The following NLN variants were observed in gnomAD, a reference collection of about 807,000 sequenced individuals.
NLN encodes the protein neurolysin, also known as neurolysin, mitochondrial.
In NLN, 64 loss-of-function variants were observed where a neutral mutation model predicts 79.9. The ratio of observed to expected loss-of-function variants is 0.80; its 90% CI spans 0.65 to 0.99. The LOEUF (loss-of-function observed/expected upper bound fraction) is 0.99. Ranked by LOEUF, NLN falls within the 50% of genes least tolerant of loss-of-function variation. NLN has a pLI of 0.00. For missense variants in NLN, 835 were observed against 858.7 expected (o/e 0.97, Z 0.34); for synonymous variants, 267 against 296.6 (o/e 0.90, Z 1.02).
Position 65,825,282 on chromosome 5 carries a change from G to T in NLN, c.*2367G>T, listed in dbSNP as rs948477921. On this transcript the variant is annotated 3_prime_UTR_variant, in exon 13 of 13. Coordinates refer to ENST00000380985, the MANE Select transcript of NLN (RefSeq NM_020726.5). ...TATCACTGACATGCTTGAAATGGTGGATAACTATGTAAATTGTAATTGGAC... is the reference window on the plus strand; with the variant it reads ...TATCACTGACATGCTTGAAATGGTGTATAACTATGTAAATTGTAATTGGAC... 1 of 151,900 alleles carries T rather than the reference G, an allele frequency of 6.6e-6. No homozygotes were observed. The highest frequency in any genetic ancestry group is 2.4e-5 in the African/African-American group (1 of 41,346). 9.4% of individuals were successfully genotyped at this position (151,900 alleles called of 1,614,324 possible). A position where few individuals can be genotyped will look rare whatever the true frequency, so the allele number is the denominator to read the frequency against.
chr5:65,727,383 T>C (rs779528813), intron 1 of NLN, among the ~76,000 whole-genome samples: 6 of 152,166 alleles, frequency 3.9e-5, no homozygotes, highest in Non-Finnish European at 8.8e-5. Context: ...TTGCCGAGGC[T>C]AGTCTAGAAT....
chr5:65,762,702 C>CA (rs35035106), intron 2 of NLN, among the ~76,000 whole-genome samples: 63,847 of 140,836 alleles, frequency 0.45, 14,623 homozygotes, highest in Non-Finnish European at 0.54. Flanking sequence ...GACCCTGTCT[C>CA]AAAAAAAAAA....
intron 1 of NLN, among the ~76,000 whole-genome samples, chr5:65,724,490 T>A (rs1232906163): frequency 1.3e-5 from 2 of 152,210 alleles, no homozygotes; most frequent in Non-Finnish European, 2.9e-5. Flanking sequence ...CATTTGTCAG[T>A]GGACATTTGG....
In NLN at chr5:65,816,830, C is replaced by G. The variant is rs115949493; in HGVS notation, c.1980+4439C>G. On this transcript the variant is annotated intron_variant, in intron 12 of 12. Transcript: ENST00000380985. ...TATCCTGCAGACTTTGTTGTCTCAC[C>G]CTCCCTAATGTGTGTGTGGGTCATT... Among the ~76,000 whole-genome samples, 166 of 152,182 alleles carry G rather than the reference C, an allele frequency of 1.1e-3. 1 individual carries two copies. Among genetic ancestry groups the G allele is most frequent in the African/African-American group, 3.9e-3 (161 of 41,532 alleles).
chr5:65,727,780 T>G (rs1273077156), intron 1 of NLN, among the ~76,000 whole-genome samples: 1 of 152,160 alleles, frequency 6.6e-6, no homozygotes, highest in Non-Finnish European at 1.5e-5. Flanking sequence ...TTGGTTTTTG[T>G]TTTTTTGAGA....
intron 7 of NLN, among the ~76,000 whole-genome samples, chr5:65,786,252 T>G (rs1410592924): frequency 6.6e-6 from 1 of 152,172 alleles, no homozygotes; most frequent in East Asian, 1.9e-4. Flanking sequence ...CTTATGAATT[T>G]GTATAAAATA....
intron 3 of NLN, among the ~76,000 whole-genome samples, chr5:65,771,026 T>G (rs1034883186): frequency 6.6e-6 from 1 of 152,186 alleles, no homozygotes; most frequent in African/African-American, 2.4e-5. Context: ...CATAAGTAAA[T>G]GCAACGGTAT....
chr5:65,749,144 G>C (rs168782), intron 1 of NLN, among the ~76,000 whole-genome samples: 3 of 152,046 alleles, frequency 2.0e-5, no homozygotes, highest in Non-Finnish European at 2.9e-5. Context: ...CTGTGAGTCC[G>C]TTATACCTCT....
At chr5:65,728,116 A>C (rs1579902897) in intron 1 of NLN, among the ~76,000 whole-genome samples, 2 of 152,214 alleles carry the variant, frequency 1.3e-5, no homozygotes. Flanking sequence ...ATGCGTGTTC[A>C]TTATTGAAAA....
Position 65,788,278 on chromosome 5 carries a change from T to G in NLN, c.1119T>G (p.Tyr373Ter). 1 of 1,614,040 alleles carries G rather than the reference T, an allele frequency of 6.2e-7. No homozygotes were observed. The highest frequency in any genetic ancestry group is 8.5e-7 in the Non-Finnish European group (1 of 1,179,866). The change falls in exon 8 of 13, where the codon TAT becomes TAG. Residue 373 changes from tyrosine to a stop codon, truncating the protein, a stop_gained. Coordinates refer to ENST00000380985, the MANE Select transcript of NLN (RefSeq NM_020726.5). LOFTEE classifies it high-confidence loss of function. Reference sequence around the variant, plus strand: ...TGACTCAGACAGAGGAACTCAAGTATTCCATAGACCAAGAGTTCCTCAAGG... The same window carrying G: ...TGACTCAGACAGAGGAACTCAAGTAGTCCATAGACCAAGAGTTCCTCAAGG... ...YYMTQTEELK[Y>*]SIDQEFLKEY...
At chr5:65,754,300 T>C (rs1339472426) in intron 1 of NLN, among the ~76,000 whole-genome samples, 1 of 152,180 alleles carries the variant, frequency 6.6e-6, no homozygotes, top group Non-Finnish European at 1.5e-5. Flanking sequence ...TCTCATAGGA[T>C]GGCTGCCAGC....
chr5:65,816,886 C>T (rs749874255), intron 12 of NLN, among the ~76,000 whole-genome samples: 9 of 152,226 alleles, frequency 5.9e-5, no homozygotes, highest in Non-Finnish European at 1.2e-4. Flanking sequence ...CCCTTCAAAG[C>T]GTCAGTGCCT....
chr5:65,723,366 CAA>C (rs1307355515), intron 1 of NLN, among the ~76,000 whole-genome samples: 2 of 152,158 alleles, frequency 1.3e-5, no homozygotes, highest in Non-Finnish European at 2.9e-5. Flanking sequence ...TGGTTAATTA[CAA>C]AGAGTTAATG....
intron 1 of NLN, among the ~76,000 whole-genome samples, chr5:65,747,821 G>A (rs1375612558): frequency 6.6e-6 from 1 of 152,204 alleles, no homozygotes; most frequent in East Asian, 1.9e-4. Context: ...GTTGCAGGAT[G>A]TTAGTGGCAA....
At chr5:65,759,206 A>T (rs1367612596) in intron 2 of NLN, among the ~76,000 whole-genome samples, 1 of 152,174 alleles carries the variant, frequency 6.6e-6, no homozygotes, top group Non-Finnish European at 1.5e-5. Context: ...CCAAATGTCA[A>T]CTAATAGATT....
intron 2 of NLN, among the ~76,000 whole-genome samples, chr5:65,761,525 C>A (rs1256215607): frequency 2.0e-5 from 3 of 152,100 alleles, no homozygotes; most frequent in Non-Finnish European, 4.4e-5. Flanking sequence ...CTCCTGACCT[C>A]AGATGATCCA....
At chr5:65,781,476 G>GT (rs1395409351) in intron 6 of NLN, 55 bp downstream of exon 6, 3 of 1,337,024 alleles carry the variant, frequency 2.2e-6, no homozygotes, top group East Asian at 2.3e-5. Flanking sequence ...TAAGAAAAGG[G>GT]TTTACTTTGT....
chr5:65,727,324 T>C (rs563066196), intron 1 of NLN, among the ~76,000 whole-genome samples: 1 of 152,056 alleles, frequency 6.6e-6, no homozygotes, highest in Non-Finnish European at 1.5e-5. Context: ...CTCACCACCA[T>C]GCCCAGCTAA....
At chr5:65,817,281 A>G (rs997440619) in intron 12 of NLN, among the ~76,000 whole-genome samples, 1 of 152,196 alleles carries the variant, frequency 6.6e-6, no homozygotes, top group Non-Finnish European at 1.5e-5. Context: ...TATATTACCT[A>G]AAGTACTTTT....
Sources: gnomAD v4.1 joint callset for allele counts (sites outside exome capture counted in the v4.1 genomes callset) on GRCh38, gnomAD v4.1.1 for gene constraint, MANE v1.5 for transcripts, NCBI Gene and HGNC (gene_info 2026-07-23, HGNC 2026-07-21) for gene names.